ETV1: variants seen among roughly 807,000 people sequenced by gnomAD.
ETV1 encodes the protein ETS translocation variant 1.
ETV1 carries 27 observed loss-of-function variants against 62.3 expected under a neutral mutation model. The ratio of observed to expected loss-of-function variants is 0.43; its 90% confidence interval spans 0.32 to 0.60. The LOEUF (loss-of-function observed/expected upper bound fraction) is 0.60. Ranked by LOEUF, ETV1 falls within the 20% of genes least tolerant of loss-of-function variation. The pLI is 0.06. For synonymous variants in ETV1, 222 were observed against 199.6 expected, an observed-to-expected ratio of 1.11 and a Z score of -0.94; for missense variants, 605 against 605.8, an observed-to-expected ratio of 1.00 and a Z score of 0.01.
At chr7:13,980,503 A>C (rs547918340) in intron 5 of ETV1, among the ~76,000 whole-genome samples, 1 of 152,254 alleles carries the variant, frequency 6.6e-6, no homozygotes, top group South Asian at 2.1e-4. Context: ...GCTGGATATA[A>C]TCACCTTTGG....
At chr7:13,986,784 AATTTC>A (rs1474494287) in intron 4 of ETV1, 99 bp from the exon 5 acceptor site, 5 of 906,300 alleles carry the variant, frequency 5.5e-6, no homozygotes, top group Admixed American at 2.9e-5. Context: ...ATATAAATTT[AATTTC>A]AAGAGACGCA....
chr7:13,916,079 T>C (rs987474957), intron 9 of ETV1, among the ~76,000 whole-genome samples: 1 of 152,156 alleles, frequency 6.6e-6, no homozygotes, highest in Non-Finnish European at 1.5e-5. Flanking sequence ...CTGAACCTCA[T>C]GTGAAGAAGG....
chr7:13,895,820 GA>G lies in ETV1; in HGVS notation c.*45del. ...ATTCAGCAATTCTCTGTATCTTGCA[GA>G]AAAAAGGAAAAGCGCAAAAACGCCC... On this transcript the variant is annotated 3_prime_UTR_variant, in exon 14 of 14. Coordinates refer to ENST00000430479, the MANE Select transcript of ETV1 (RefSeq NM_004956.5). 3 of 1,321,836 alleles carry G rather than the reference GA, an allele frequency of 2.3e-6. No homozygotes were observed. Among genetic ancestry groups the G allele is most frequent in the Non-Finnish European group, 3.2e-6 (3 of 928,728 alleles). 81.9% of individuals were successfully genotyped at this position (1,321,836 alleles called of 1,614,324 possible). A position where few individuals can be genotyped will look rare whatever the true frequency, so the allele number is the denominator to read the frequency against.
At chr7:13,896,727 A>AAAGGAG (rs1583545071) in intron 13 of ETV1, among the ~76,000 whole-genome samples, 15 of 51,354 alleles carry the variant, frequency 2.9e-4, no homozygotes, top group African/African-American at 1.3e-3. Context: ...GAGAAAGAAA[A>AAAGGAG]AGAAAAAGAA....
chr7:13,982,530 C>T (rs535053239), intron 5 of ETV1, among the ~76,000 whole-genome samples: 1 of 151,826 alleles, frequency 6.6e-6, no homozygotes, highest in Admixed American at 6.6e-5. Context: ...ACTTTATCTG[C>T]TGTCTTTAAG....
chr7:13,907,467 T>TA (rs1296859494), intron 11 of ETV1, among the ~76,000 whole-genome samples: 4 of 152,130 alleles, frequency 2.6e-5, no homozygotes, highest in Non-Finnish European at 4.4e-5. Flanking sequence ...TGTAAAAATC[T>TA]GTTAAATAGA....
chr7:13,946,081 A>C (rs940055943), intron 6 of ETV1, among the ~76,000 whole-genome samples: 2 of 152,178 alleles, frequency 1.3e-5, no homozygotes, highest in African/African-American at 4.8e-5. Context: ...TCCTTCTTCA[A>C]GTGTACCAAA....
At chr7:13,987,120 T>A (rs888000732) in intron 4 of ETV1, 1 of 164,854 alleles carries the variant, frequency 6.1e-6, no homozygotes, top group African/African-American at 2.4e-5. Flanking sequence ...ACATAAAATA[T>A]ATAATGGTAC....
chr7:13,920,915 T>C (rs1010951639), intron 9 of ETV1, among the ~76,000 whole-genome samples: 4 of 152,148 alleles, frequency 2.6e-5, no homozygotes, highest in African/African-American at 9.7e-5. Flanking sequence ...TCTATTGCAA[T>C]AACAAAATCA....
intron 6 of ETV1, among the ~76,000 whole-genome samples, chr7:13,963,938 GAA>G: frequency 6.6e-6 from 1 of 152,110 alleles, no homozygotes; most frequent in East Asian, 1.9e-4. Flanking sequence ...AACTATGAAT[GAA>G]AATAGAGCTT....
At chr7:13,953,571 A>C (rs1369909072) in intron 6 of ETV1, among the ~76,000 whole-genome samples, 1 of 152,070 alleles carries the variant, frequency 6.6e-6, no homozygotes, top group Non-Finnish European at 1.5e-5. Flanking sequence ...GTACTGAGGA[A>C]TGCTACGGCA....
At chr7:13,932,730 C>A (rs891513737) in intron 8 of ETV1, among the ~76,000 whole-genome samples, 1 of 152,208 alleles carries the variant, frequency 6.6e-6, no homozygotes, top group East Asian at 1.9e-4. Context: ...TAAAAATGCC[C>A]CAGGAGTGCT....
intron 6 of ETV1, among the ~76,000 whole-genome samples, chr7:13,965,531 T>C (rs753621872): frequency 1.3e-5 from 2 of 152,164 alleles, no homozygotes; most frequent in South Asian, 2.1e-4. Flanking sequence ...AGGGAAGATC[T>C]GCATAGACTA....
intron 6 of ETV1, among the ~76,000 whole-genome samples, chr7:13,952,747 A>C (rs969091450): frequency 5.3e-5 from 8 of 152,208 alleles, no homozygotes; most frequent in African/African-American, 1.9e-4. Context: ...TATATTAATA[A>C]AGAAAAGGTA....
chr7:13,955,549 T>C (rs2128476483), intron 6 of ETV1, among the ~76,000 whole-genome samples: 1 of 152,070 alleles, frequency 6.6e-6, no homozygotes, highest in Non-Finnish European at 1.5e-5. Context: ...ACAAGCCAAA[T>C]GCTGACAAGG....
intron 12 of ETV1, among the ~76,000 whole-genome samples, chr7:13,901,429 A>G (rs1782412569): frequency 1.3e-5 from 2 of 152,334 alleles, no homozygotes; most frequent in East Asian, 3.9e-4. Flanking sequence ...ACAGGAATGA[A>G]CAGGCTACAG....
intron 5 of ETV1, among the ~76,000 whole-genome samples, chr7:13,984,109 A>G (rs1380728066): frequency 1.3e-5 from 2 of 151,974 alleles, no homozygotes; most frequent in Non-Finnish European, 2.9e-5. Context: ...ATGACATATG[A>G]CAACTAACTT....
At position 13,915,951 on chromosome 7, in the gene ETV1, T is replaced by C. The variant is rs886077350; in HGVS notation, c.803-4644A>G. 2.0e-5 allele frequency among the ~76,000 whole-genome samples: 3 copies of C among 152,328 alleles called. No individual in the cohort carries two copies. The South Asian group carries it at 6.2e-4, about 32-fold the overall frequency. Reference sequence around the variant, plus strand: ...ATAACATCTTAGTTACTAAACTTGATGTGAATGTAACATCTTAGTTACTGA... The same window carrying C: ...ATAACATCTTAGTTACTAAACTTGACGTGAATGTAACATCTTAGTTACTGA... On this transcript the variant is annotated intron_variant, in intron 9 of 13. Transcript: ENST00000430479.
chr7:13,982,693 G>A (rs895090160), intron 5 of ETV1, among the ~76,000 whole-genome samples: 5 of 151,966 alleles, frequency 3.3e-5, no homozygotes, highest in Non-Finnish European at 5.9e-5. Flanking sequence ...GTAATTCAAT[G>A]CTTAATTCTA....
Sources: gnomAD v4.1 joint callset for allele counts (sites outside exome capture counted in the v4.1 genomes callset) on GRCh38, gnomAD v4.1.1 for gene constraint, MANE v1.5 for transcripts, NCBI Gene and HGNC (gene_info 2026-07-23, HGNC 2026-07-21) for gene names.